The following PLXNA2 variants were observed in gnomAD, a reference collection of about 807,000 sequenced individuals.
PLXNA2 encodes plexin-A2.
Under a neutral mutation model 193.5 loss-of-function variants are expected in PLXNA2, and 91 were observed. The ratio of observed to expected loss-of-function variants is 0.47; its 90% CI spans 0.40 to 0.56. The LOEUF is 0.56. Among genes scored for constraint, PLXNA2 ranks in the 20% least tolerant of loss-of-function variants. PLXNA2 has a pLI of 0.00. For synonymous variants in PLXNA2, 997 were observed against 1,027.3 expected, an observed-to-expected ratio of 0.97 and a Z score of 0.56; for missense variants, 1,995 against 2,503.2, an observed-to-expected ratio of 0.80 and a Z score of 4.33.
chr1:208,077,635 C>T (rs866193156), intron 12 of PLXNA2, among the ~76,000 whole-genome samples: 15 of 152,104 alleles, frequency 9.9e-5, no homozygotes, highest in African/African-American at 2.2e-4. Flanking sequence ...CAGCAGTGGC[C>T]GGAAATCACT....
chr1:208,068,497 T>G (rs1275389907), intron 12 of PLXNA2, among the ~76,000 whole-genome samples: 1 of 152,244 alleles, frequency 6.6e-6, no homozygotes, highest in Admixed American at 6.5e-5. Context: ...TCTGCAGTCC[T>G]TCCAGCCTTT....
At chr1:208,101,243 C>G (rs1667087034) in intron 5 of PLXNA2, among the ~76,000 whole-genome samples, 1 of 152,166 alleles carries the variant, frequency 6.6e-6, no homozygotes, top group Non-Finnish European at 1.5e-5. Context: ...AGGAAGGCTT[C>G]AATTCCCCCC....
chr1:208,230,063 G>C (rs1014274656), intron 1 of PLXNA2: 1 of 152,236 alleles, frequency 6.6e-6, no homozygotes, highest in Non-Finnish European at 1.5e-5. Flanking sequence ...GTTGTGGTGA[G>C]AATCAATGAG....
Position 208,069,973 on chromosome 1 carries a change from G to A in PLXNA2, c.2587-9136C>T, listed in dbSNP as rs528888056. 5.3e-5 allele frequency among the ~76,000 whole-genome samples: 8 copies of A among 152,322 alleles called. 1 individual carries two copies. The East Asian group carries it at 1.3e-3, about 26-fold the overall frequency. ...TTATTATCATTCCCATTTTTCGGAT[G>A]AGAAATAGTGTCCCAGAGAGGTTAA... On this transcript the variant is annotated intron_variant, in intron 12 of 31. Coordinates refer to ENST00000367033, the MANE Select transcript of PLXNA2 (RefSeq NM_025179.4).
At chr1:208,159,554 C>CT (rs908256819) in intron 3 of PLXNA2, among the ~76,000 whole-genome samples, 1 of 152,242 alleles carries the variant, frequency 6.6e-6, no homozygotes, top group African/African-American at 2.4e-5. Flanking sequence ...TCAGAGGAGA[C>CT]TGGGGACACC....
rs1162715000 is a variant in PLXNA2, at chr1:208,236,899, G to A, written c.-81+6744C>T. On this transcript the variant is annotated intron_variant, in intron 1 of 31. Transcript: ENST00000367033. This position sits in a 1 kb window ranked among gnomAD's most constrained non-coding sequence, Gnocchi z 4.4. ...CACAGGCCTCTTGAAGCCCAAGTAT[G>A]GCCCTAGCTCTGTGCTTCCCAGTGC... 6.6e-6 allele frequency among the ~76,000 whole-genome samples: 1 copy of A among 152,188 alleles called. No individual in the cohort carries two copies. Among genetic ancestry groups the A allele is most frequent in the Non-Finnish European group, 1.5e-5 (1 of 68,044 alleles).
intron 4 of PLXNA2, among the ~76,000 whole-genome samples, chr1:208,105,330 G>A (rs1314084643): frequency 6.6e-6 from 1 of 152,212 alleles, no homozygotes; most frequent in Non-Finnish European, 1.5e-5. Context: ...TCATGCAACC[G>A]CCTGGCTTTC....
At chr1:208,079,111 C>A in intron 12 of PLXNA2, 149 bp downstream of exon 12, 1 of 633,980 alleles carries the variant, frequency 1.6e-6, no homozygotes, top group African/African-American at 1.8e-5. Context: ...GCCGTTAAGA[C>A]ACACGCGAGA....
intron 2 of PLXNA2, among the ~76,000 whole-genome samples, chr1:208,213,212 G>A (rs1220810437): frequency 6.6e-6 from 1 of 152,008 alleles, no homozygotes; most frequent in Non-Finnish European, 1.5e-5. Context: ...GGATTGGCTG[G>A]AATTTCTTTC....
At chr1:208,127,177 G>C (rs1399607189) in intron 4 of PLXNA2, among the ~76,000 whole-genome samples, 3 of 152,196 alleles carry the variant, frequency 2.0e-5, no homozygotes. Context: ...AGTCCAAGGA[G>C]ATGGCCTGAA....
chr1:208,132,488 TCA>T (rs1188832667), intron 4 of PLXNA2, among the ~76,000 whole-genome samples: 1 of 152,216 alleles, frequency 6.6e-6, no homozygotes, highest in African/African-American at 2.4e-5. Flanking sequence ...AGTTTGAATT[TCA>T]GTTTTGTTAT....
intron 1 of PLXNA2, among the ~76,000 whole-genome samples, chr1:208,242,472 T>C (rs574971328): frequency 3.3e-5 from 5 of 152,340 alleles, no homozygotes; most frequent in African/African-American, 1.2e-4. Flanking sequence ...TGCCTCAAGC[T>C]ATGACTGGCA....
chr1:208,131,584 G>A (rs1192228397), intron 4 of PLXNA2, among the ~76,000 whole-genome samples: 1 of 152,082 alleles, frequency 6.6e-6, no homozygotes, highest in Non-Finnish European at 1.5e-5. Flanking sequence ...ACTTAAGATG[G>A]GGAACACAGG....
chr1:208,204,501 C>T (rs1401917482), intron 3 of PLXNA2, among the ~76,000 whole-genome samples: 2 of 152,198 alleles, frequency 1.3e-5, no homozygotes, highest in Non-Finnish European at 2.9e-5. Context: ...TCCTTGACTC[C>T]TCATGCCACT....
intron 3 of PLXNA2, among the ~76,000 whole-genome samples, chr1:208,193,709 A>T (rs1310752135): frequency 6.6e-6 from 1 of 152,178 alleles, no homozygotes; most frequent in Non-Finnish European, 1.5e-5. Flanking sequence ...CACTTAGAAA[A>T]GGCAAATTCA....
chr1:208,030,243 T>C (rs1168163752), intron 29 of PLXNA2: 1 of 985,374 alleles, frequency 1.0e-6, no homozygotes, highest in African/African-American at 1.7e-5. Flanking sequence ...TGGTAATCTT[T>C]CCCTGGACAT....
rs766903324 is a variant in PLXNA2 at position 208,027,360 on chromosome 1, AG to A, written c.5590-23del. The A allele has an allele frequency of 6.9e-5, 111 of 1,603,746 alleles. No homozygotes were observed. The South Asian group carries it at 7.5e-4, about 11-fold the overall frequency. ...TGAGCTGAGGAGCAAAAACAAAGGC[AG>A]GAAGACTTCAGGACTCAGAATAGAA... On this transcript the variant is annotated intron_variant, in intron 31 of 31. Coordinates refer to ENST00000367033, the MANE Select transcript of PLXNA2 (RefSeq NM_025179.4).
chr1:208,209,692 C>A (rs138868664), intron 3 of PLXNA2, among the ~76,000 whole-genome samples: 5 of 152,282 alleles, frequency 3.3e-5, no homozygotes, highest in African/African-American at 1.2e-4. Flanking sequence ...TTCCACCTGG[C>A]AGCTTACATC....
intron 4 of PLXNA2, among the ~76,000 whole-genome samples, chr1:208,105,736 G>A (rs552322719): frequency 3.3e-4 from 50 of 152,306 alleles, no homozygotes; most frequent in African/African-American, 1.1e-3. Flanking sequence ...TGGCTGCCTG[G>A]GAGGCTTCCG....
Sources: gnomAD v4.1 joint callset for allele counts (sites outside exome capture counted in the v4.1 genomes callset) on GRCh38, gnomAD v4.1.1 for gene constraint, Gnocchi (gnomAD v3.1) non-coding constraint, MANE v1.5 for transcripts, NCBI Gene and HGNC (gene_info 2026-07-23, HGNC 2026-07-21) for gene names.